The following COL14A1 variants were observed in gnomAD, a reference collection of about 807,000 sequenced individuals.
COL14A1 encodes collagen type XIV alpha 1 chain, also known as collagen alpha-1(XIV) chain.
In COL14A1, 136 loss-of-function variants were observed where a neutral mutation model predicts 230.3. That is an observed-to-expected ratio of 0.59 (90% CI 0.51 to 0.68). The LOEUF (loss-of-function observed/expected upper bound fraction) is 0.68, where lower values mean the gene tolerates loss of function less well. Among genes scored for constraint, COL14A1 ranks in the 30% least tolerant of loss-of-function variants. COL14A1 has a pLI of 0.00. For synonymous variants in COL14A1, 792 were observed against 784.1 expected, an observed-to-expected ratio of 1.01 and a Z score of -0.17; for missense variants, 1,976 against 2,215.8, an observed-to-expected ratio of 0.89 and a Z score of 2.17.
intron 23 of COL14A1, among the ~76,000 whole-genome samples, chr8:120,258,590 A>G (rs1819232762): frequency 6.6e-6 from 1 of 152,182 alleles, no homozygotes. Context: ...AGGCAAAAGC[A>G]ACAGATGTCC....
At chr8:120,254,984 C>T (rs1819096211) in intron 22 of COL14A1, among the ~76,000 whole-genome samples, 1 of 151,820 alleles carries the variant, frequency 6.6e-6, no homozygotes. Flanking sequence ...AGAGCAAGAC[C>T]CCATCTCAAA....
Position 120,332,143 on chromosome 8 carries a change from C to T in COL14A1, c.4662C>T (p.Gly1554=). 2 of 1,614,052 alleles carry T rather than the reference C, an allele frequency of 1.2e-6. No homozygotes were observed. The highest frequency in any genetic ancestry group is 1.7e-6 in the Non-Finnish European group (2 of 1,179,944). Residue 1554 remains glycine, a splice_region_variant and synonymous_variant, in exon 41 of 48, where the codon GGC becomes GGT. Coordinates refer to ENST00000297848, the MANE Select transcript of COL14A1 (RefSeq NM_021110.4). ...CATGCTGTGTTTCTTTTCGCCAGGG[C>T]CTTCCGGGAAAGGATGGATCCTCGG... ...PGRDGSPGQR[G]LPGKDGSSGP...
intron 3 of COL14A1, among the ~76,000 whole-genome samples, chr8:120,161,527 C>T (rs1037024272): frequency 2.0e-5 from 3 of 152,198 alleles, no homozygotes; most frequent in Non-Finnish European, 2.9e-5. Context: ...GTGATTCCTT[C>T]AGCATCCTCA....
At chr8:120,212,625 T>C (rs751115780) in intron 13 of COL14A1, 48 bp downstream of exon 13, 127 of 1,606,668 alleles carry the variant, frequency 7.9e-5, no homozygotes, top group Non-Finnish European at 1.1e-4. Context: ...AAAGCCCACA[T>C]GAATGTGGGG....
At chr8:120,243,743 GC>G (rs1818679362) in intron 19 of COL14A1, 135 bp from the exon 20 acceptor site, 1 of 956,326 alleles carries the variant, frequency 1.0e-6, no homozygotes, top group Non-Finnish European at 1.6e-6. Context: ...TTGCATGAGT[GC>G]CCTTTCTTTT....
Position 120,255,285 on chromosome 8 carries a change from C to G in COL14A1, c.2798C>G (p.Thr933Ser). The change falls in exon 23 of 48, where the codon ACC (threonine) becomes AGC (serine). Residue 933 changes from threonine to serine, a missense_variant. Physicochemically the swap from Thr to Ser is moderately conservative, Grantham distance 58 (BLOSUM62 1). Around this residue, in one of 3 missense-constraint regions of COL14A1, gnomAD observed 1,791 missense variants for 2,019.5 expected, o/e 0.89. Coordinates refer to ENST00000297848, the MANE Select transcript of COL14A1 (RefSeq NM_021110.4). ...TNLQAKHVEM[T>S]SLCAHWQVHR... Reference sequence around the variant, plus strand: ...CTCCAAGCCAAACATGTTGAAATGACCAGCTTGTGTGCCCACTGGCAGGTA... The same window carrying G: ...CTCCAAGCCAAACATGTTGAAATGAGCAGCTTGTGTGCCCACTGGCAGGTA... 1 of 1,614,156 alleles carries G rather than the reference C, an allele frequency of 6.2e-7. No individual in the cohort carries two copies. Among genetic ancestry groups the G allele is most frequent in the Non-Finnish European group, 8.5e-7 (1 of 1,180,006 alleles).
chr8:120,271,382 TA>T (rs57681699), intron 26 of COL14A1, among the ~76,000 whole-genome samples: 47 of 139,922 alleles, frequency 3.4e-4, no homozygotes, highest in East Asian at 1.2e-3. Flanking sequence ...AAAGAAAAGT[TA>T]AAAAAAAAAA....
At chr8:120,193,016 T>C (rs1816882374) in intron 5 of COL14A1, among the ~76,000 whole-genome samples, 1 of 152,180 alleles carries the variant, frequency 6.6e-6, no homozygotes, top group Non-Finnish European at 1.5e-5. Context: ...TCGGAGTAAT[T>C]TGATCGTCTG....
intron 5 of COL14A1, among the ~76,000 whole-genome samples, chr8:120,186,504 T>C (rs1816655771): frequency 6.6e-6 from 1 of 152,194 alleles, no homozygotes; most frequent in Admixed American, 6.5e-5. Flanking sequence ...GGTGAAATCA[T>C]TGTGAGGTTT....
At chr8:120,163,265 ACT>A (rs1470870744) in intron 4 of COL14A1, among the ~76,000 whole-genome samples, 1 of 152,104 alleles carries the variant, frequency 6.6e-6, no homozygotes, top group African/African-American at 2.4e-5. Context: ...GAAGAGAGGT[ACT>A]CTCTCTGCCC....
intron 40 of COL14A1, among the ~76,000 whole-genome samples, chr8:120,317,782 C>T (rs943115429): frequency 1.3e-5 from 2 of 152,158 alleles, no homozygotes; most frequent in African/African-American, 4.8e-5. Context: ...TTTGCTATCC[C>T]TCCAAATGTG....
intron 40 of COL14A1, among the ~76,000 whole-genome samples, chr8:120,326,723 CT>C (rs1821681956): frequency 6.6e-6 from 1 of 152,112 alleles, no homozygotes; most frequent in Non-Finnish European, 1.5e-5. Context: ...TCACAGTAGA[CT>C]TAAAAACGCC....
At chr8:120,156,129 G>T (rs537265515) in intron 2 of COL14A1, among the ~76,000 whole-genome samples, 6 of 151,764 alleles carry the variant, frequency 4.0e-5, no homozygotes, top group Non-Finnish European at 7.4e-5. Context: ...TTCAGTTTGT[G>T]GAGCAGTAAA....
intron 36 of COL14A1, among the ~76,000 whole-genome samples, chr8:120,307,305 A>G (rs1170175066): frequency 2.0e-5 from 3 of 152,244 alleles, no homozygotes; most frequent in Admixed American, 6.5e-5. Flanking sequence ...ATAATGAAGC[A>G]TATATGGAAA....
At chr8:120,348,741 C>T (rs1822631269) in intron 45 of COL14A1, among the ~76,000 whole-genome samples, 1 of 152,026 alleles carries the variant, frequency 6.6e-6, no homozygotes, top group African/African-American at 2.4e-5. Context: ...TCAGAAGTGC[C>T]CACTCTAACT....
At chr8:120,262,191 G>C (rs1180699269) in intron 23 of COL14A1, among the ~76,000 whole-genome samples, 1 of 152,040 alleles carries the variant, frequency 6.6e-6, no homozygotes, top group Non-Finnish European at 1.5e-5. Context: ...AAAAAAAATA[G>C]GCCAGGCATG....
intron 19 of COL14A1, among the ~76,000 whole-genome samples, chr8:120,232,247 A>T (rs945412874): frequency 6.6e-6 from 1 of 151,908 alleles, no homozygotes; most frequent in Non-Finnish European, 1.5e-5. Context: ...TTTCTAAATG[A>T]TACACTCTTT....
intron 45 of COL14A1, among the ~76,000 whole-genome samples, chr8:120,347,706 T>C (rs1445432316): frequency 2.0e-5 from 3 of 152,220 alleles, no homozygotes; most frequent in Admixed American, 6.5e-5. Context: ...TATGAAGATA[T>C]TGAAGTAAGG....
intron 19 of COL14A1, among the ~76,000 whole-genome samples, chr8:120,236,119 T>A (rs1464819147): frequency 1.3e-5 from 2 of 152,234 alleles, no homozygotes; most frequent in Non-Finnish European, 2.9e-5. Flanking sequence ...GTTCTGTAGA[T>A]GTCTATTAGG....
Sources: allele counts gnomAD v4.1 joint callset (sites outside exome capture counted in the v4.1 genomes callset), GRCh38; gene constraint gnomAD v4.1.1; regional missense constraint gnomAD v4.1.1; transcripts MANE v1.5; gene names NCBI Gene and HGNC (gene_info 2026-07-23, HGNC 2026-07-21).